RAB3B: variants seen among roughly 807,000 people sequenced by gnomAD.
RAB3B encodes RAB3B, member RAS oncogene family.
Under a neutral mutation model 20.5 loss-of-function variants are expected in RAB3B, and 11 were observed. The ratio of observed to expected loss-of-function variants is 0.54; its 90% CI spans 0.34 to 0.89. The LOEUF (loss-of-function observed/expected upper bound fraction) is 0.89, where lower values mean the gene tolerates loss of function less well. RAB3B is among the 40% of genes least tolerant of loss of function. RAB3B has a pLI of 0.02. For missense variants in RAB3B, 225 were observed against 280.9 expected (o/e 0.80, Z 1.42); for synonymous variants, 99 against 106.3 (o/e 0.93, Z 0.42).
chr1:51,908,421 A>G lies in RAB3B; in HGVS notation c.*11506T>C, dbSNP rs1000889692. On this transcript the variant is annotated 3_prime_UTR_variant, in exon 5 of 5. Coordinates refer to ENST00000371655, the MANE Select transcript of RAB3B (RefSeq NM_002867.4). Reference sequence around the variant, plus strand: ...GTCCCCAGTTGAATAAATTAGAAAGAGCAGTTGGGGGAATTGAATATGATA... The same window carrying G: ...GTCCCCAGTTGAATAAATTAGAAAGGGCAGTTGGGGGAATTGAATATGATA... The G allele has an allele frequency of 7.2e-5, 11 of 152,006 alleles. No individual in the cohort carries two copies. Among genetic ancestry groups the G allele is most frequent in the Non-Finnish European group, 1.5e-5 (1 of 68,022 alleles). The allele number at this position is 152,006 out of a possible 1,614,324, so 9.4% of individuals were successfully genotyped here. A position where few individuals can be genotyped will look rare whatever the true frequency, so the allele number is the denominator to read the frequency against.
chr1:51,989,208 TTGTGTGTGTGTGTGTGTGTGTGTGTGTG>T (rs60661761), intron 1 of RAB3B, among the ~76,000 whole-genome samples: 1 of 99,822 alleles, frequency 1.0e-5, no homozygotes, highest in African/African-American at 4.3e-5. Context: ...CCATCTTGTT[TTGTGTGTGTGTGTGTGTGTGTGTGTGTG>T]TGTGTGTGTG....
intron 1 of RAB3B, among the ~76,000 whole-genome samples, chr1:51,978,609 G>C (rs546748773): frequency 6.6e-6 from 1 of 152,270 alleles, no homozygotes; most frequent in East Asian, 1.9e-4. Context: ...TCTTATTTAA[G>C]TCTTTAATTG....
rs1684094092 is a variant in RAB3B at position 51,916,938 on chromosome 1, G to A, written c.*2989C>T. On this transcript the variant is annotated 3_prime_UTR_variant, in exon 5 of 5. Coordinates refer to ENST00000371655, the MANE Select transcript of RAB3B (RefSeq NM_002867.4). ...CTAATGTGGCTTTAACACTCTCTTGGTATGTGATCCAAGTCTCGTAATCTC... is the reference window on the plus strand; with the variant it reads ...CTAATGTGGCTTTAACACTCTCTTGATATGTGATCCAAGTCTCGTAATCTC... The A allele has an allele frequency of 6.6e-6, 1 of 152,150 alleles. No homozygotes were observed. Among genetic ancestry groups the A allele is most frequent in the East Asian group, 1.9e-4 (1 of 5,192 alleles). The allele number at this position is 152,150 out of a possible 1,614,324, so 9.4% of individuals were successfully genotyped here.
At chr1:51,944,521 C>T (rs769379705) in intron 2 of RAB3B, among the ~76,000 whole-genome samples, 7 of 152,112 alleles carry the variant, frequency 4.6e-5, no homozygotes, top group Admixed American at 1.3e-4. Flanking sequence ...TAAGAATATT[C>T]GTGATTCATG....
chr1:51,946,866 T>G (rs1041656256), intron 2 of RAB3B, among the ~76,000 whole-genome samples: 17 of 152,194 alleles, frequency 1.1e-4, no homozygotes, highest in African/African-American at 3.9e-4. Flanking sequence ...TGAGGTAAAG[T>G]TTTAAATAAC....
intron 2 of RAB3B, among the ~76,000 whole-genome samples, chr1:51,948,962 T>C (rs1396415731): frequency 6.6e-6 from 1 of 152,164 alleles, no homozygotes; most frequent in Non-Finnish European, 1.5e-5. Context: ...GGGGTGTCTG[T>C]AACAATTTGG....
At chr1:51,939,341 C>A (rs1684457943) in intron 2 of RAB3B, among the ~76,000 whole-genome samples, 1 of 152,084 alleles carries the variant, frequency 6.6e-6, no homozygotes, top group African/African-American at 2.4e-5. Context: ...GTTGAGAATG[C>A]AAAAATTGCA....
chr1:51,912,602 A>ATATATATAT lies in RAB3B; in HGVS notation c.*7324_*7325insATATATATA, dbSNP rs1557958127. 1.4e-3 allele frequency: 23 copies of ATATATATAT among 16,284 alleles called. 5 individuals carry two copies. The highest frequency in any genetic ancestry group is 2.0e-3 in the Non-Finnish European group (18 of 8,900). The allele number at this position is 16,284 out of a possible 1,614,324, so 1.0% of individuals were successfully genotyped here. ...ATATATATATATATATATATATATA[A>ATATATATAT]AAAATGTTACTCCTGTGAGACAGAA... On this transcript the variant is annotated 3_prime_UTR_variant, in exon 5 of 5. Transcript: ENST00000371655.
intron 2 of RAB3B, 148 bp from the exon 3 acceptor site, chr1:51,937,560 C>T (rs1483391651): frequency 2.6e-5 from 12 of 457,708 alleles, no homozygotes; most frequent in East Asian, 8.2e-5. Context: ...TGCCATGGCG[C>T]GATCTCAGCT....
intron 2 of RAB3B, among the ~76,000 whole-genome samples, chr1:51,961,708 T>C (rs188167254): frequency 4.6e-5 from 7 of 152,286 alleles, no homozygotes; most frequent in Admixed American, 3.9e-4. Context: ...GCTTTACCTA[T>C]GTGAAGATAT....
Position 51,919,948 on chromosome 1 carries a change from C to T in RAB3B, c.639G>A (p.Leu213=), listed in dbSNP as rs138023176. ...NTRLSDTPPL[L]QQNCSC ...TTGCCTAGCATGAGCAGTTCTGCTG[C>T]AGCAGCGGTGGGGTGTCCGAGAGAC... Residue 213 remains leucine (L), a synonymous_variant, in exon 5 of 5, where the codon CTG becomes CTA. Transcript: ENST00000371655. 1.2e-4 allele frequency: 196 copies of T among 1,613,504 alleles called. No individual in the cohort carries two copies. In the African/African-American group the frequency reaches 2.2e-3, roughly 18 times the overall value.
At chr1:51,950,049 T>C (rs946846201) in intron 2 of RAB3B, among the ~76,000 whole-genome samples, 2 of 152,196 alleles carry the variant, frequency 1.3e-5, no homozygotes, top group African/African-American at 2.4e-5. Flanking sequence ...CCAGTGTGGC[T>C]GAGTCTGGGG....
intron 3 of RAB3B, among the ~76,000 whole-genome samples, chr1:51,934,354 C>T (rs1475998146): frequency 6.6e-6 from 1 of 152,176 alleles, no homozygotes; most frequent in Non-Finnish European, 1.5e-5. Context: ...CCTAGATCCA[C>T]TTAGCCTCCA....
rs911213526 is a variant in RAB3B at position 51,933,296 on chromosome 1, C to A, written c.472+22G>T. The A allele has an allele frequency of 2.1e-5, 34 of 1,611,498 alleles. 1 individual carries two copies. The East Asian group carries it at 7.6e-4, about 36-fold the overall frequency. ...GCATGTGTACAAATGCACACATGCACATACATGTGTCATGTACATACCAAG... is the reference window on the plus strand; with the variant it reads ...GCATGTGTACAAATGCACACATGCAAATACATGTGTCATGTACATACCAAG... On this transcript the variant is annotated intron_variant, in intron 4 of 4. Coordinates refer to ENST00000371655, the MANE Select transcript of RAB3B (RefSeq NM_002867.4).
chr1:51,980,967 A>G (rs2124316831), intron 1 of RAB3B, among the ~76,000 whole-genome samples: 1 of 152,356 alleles, frequency 6.6e-6, no homozygotes. Flanking sequence ...AAATAATTCA[A>G]GCATATCCTA....
chr1:51,920,030 T>C lies in RAB3B; in HGVS notation c.557A>G (p.Lys186Arg), dbSNP rs148767923. 18 of 1,614,070 alleles carry C rather than the reference T, an allele frequency of 1.1e-5. No individual in the cohort carries two copies. The highest frequency in any genetic ancestry group is 1.5e-5 in the Non-Finnish European group (18 of 1,180,020). Residue 186 changes from lysine to arginine, a missense_variant, in exon 5 of 5, where the codon AAG becomes AGG. Lys to Arg is a conservative substitution (Grantham distance 26, BLOSUM62 2). Coordinates refer to ENST00000371655, the MANE Select transcript of RAB3B (RefSeq NM_002867.4). ...FERLVDAICD[K>R]MSDSLDTDPS... ...GTCTGTGTCCAGCGAATCAGACATC[T>C]TGTCACAAATGGCATCCACCAGGCG...
At chr1:51,945,914 T>G (rs914014531) in intron 2 of RAB3B, among the ~76,000 whole-genome samples, 8 of 152,238 alleles carry the variant, frequency 5.3e-5, no homozygotes, top group Non-Finnish European at 1.2e-4. Context: ...GGTTATTTTA[T>G]CTCTCTGAGG....
At position 51,937,392 on chromosome 1, in the gene RAB3B, C is replaced by T; in HGVS notation, c.249G>A (p.Arg83=). ...AATAGGCTGTTGTGATGGTCCGGTA[C>T]CGCTCCTGCCCAGCTGTGTCCTGGG... ...LQIWDTAGQE[R]YRTITTAYYR... The change falls in exon 3 of 5, where the codon CGG becomes CGA. Residue 83 remains arginine, a synonymous_variant. Coordinates refer to ENST00000371655, the MANE Select transcript of RAB3B (RefSeq NM_002867.4). The T allele has an allele frequency of 6.2e-7, 1 of 1,605,264 alleles. No individual in the cohort carries two copies. The highest frequency in any genetic ancestry group is 8.5e-7 in the Non-Finnish European group (1 of 1,177,076).
chr1:51,958,671 C>T (rs1055171569), intron 2 of RAB3B, among the ~76,000 whole-genome samples: 1 of 150,656 alleles, frequency 6.6e-6, no homozygotes, highest in Non-Finnish European at 1.5e-5. Context: ...TGCGGTGAGC[C>T]GAGATTGCGC....
Sources: gnomAD v4.1 joint callset for allele counts (sites outside exome capture counted in the v4.1 genomes callset) on GRCh38, gnomAD v4.1.1 for gene constraint, MANE v1.5 for transcripts, NCBI Gene and HGNC (gene_info 2026-07-23, HGNC 2026-07-21) for gene names.